The following DENND4A variants were observed in gnomAD, a reference collection of about 807,000 sequenced individuals.
The protein encoded by DENND4A is C-myc promoter-binding protein.
Under a neutral mutation model 199.3 loss-of-function variants are expected in DENND4A, and 70 were observed. The ratio of observed to expected loss-of-function variants is 0.35; its 90% CI spans 0.29 to 0.43. The LOEUF is 0.43. Among genes scored for constraint, DENND4A ranks in the 20% least tolerant of loss-of-function variants. DENND4A has a pLI of 1.00. For missense variants in DENND4A, 1,723 were observed against 2,255.8 expected (o/e 0.76, Z 4.78); for synonymous variants, 686 against 766.9 (o/e 0.89, Z 1.74).
At chr15:65,704,700 C>T (rs184519010) in intron 15 of DENND4A, among the ~76,000 whole-genome samples, 21 of 152,278 alleles carry the variant, frequency 1.4e-4, no homozygotes, top group Non-Finnish European at 2.5e-4. Context: ...AAGAAATTGT[C>T]CTGCCTCGGC....
intron 22 of DENND4A, among the ~76,000 whole-genome samples, chr15:65,694,214 CAA>C (rs2142101509): frequency 6.6e-6 from 1 of 152,110 alleles, no homozygotes; most frequent in East Asian, 1.9e-4. Flanking sequence ...TTTGGAAGGC[CAA>C]GGCAGGTAGA....
chr15:65,757,720 C>T (rs1013445543), intron 2 of DENND4A, among the ~76,000 whole-genome samples: 47 of 152,226 alleles, frequency 3.1e-4, no homozygotes, highest in African/African-American at 1.1e-3. Context: ...CGGTGGCTCA[C>T]GCCTGTAATC....
At chr15:65,746,427 C>G (rs983837806) in intron 4 of DENND4A, among the ~76,000 whole-genome samples, 1 of 108,536 alleles carries the variant, frequency 9.2e-6, no homozygotes, top group African/African-American at 3.5e-5. Flanking sequence ...CGTTCTGTCA[C>G]GCAGACTGTA....
At chr15:65,773,002 CAA>C (rs61241995) in intron 1 of DENND4A, among the ~76,000 whole-genome samples, 60 of 102,144 alleles carry the variant, frequency 5.9e-4, no homozygotes, top group African/African-American at 1.9e-3. Context: ...TGTTTCTAAG[CAA>C]AAAAAAAAAA....
Position 65,722,654 on chromosome 15 carries a change from C to T in DENND4A, c.1588+194G>A, listed in dbSNP as rs1006627198. 7.4e-5 allele frequency among the ~76,000 whole-genome samples: 10 copies of T among 134,234 alleles called. No individual in the cohort carries two copies. The East Asian group carries it at 1.3e-3, about 18-fold the overall frequency. The allele number at this position is 134,234 out of a possible 152,430, so 88.1% of individuals were successfully genotyped here. A position where few individuals can be genotyped will look rare whatever the true frequency, so the allele number is the denominator to read the frequency against. On this transcript the variant is annotated intron_variant, in intron 12 of 32. Transcript: ENST00000443035. ...CTGGCAACAGAGCGAGACTCCGTCT[C>T]GAAAAAAAAAAAAATACACATTTTA...
At chr15:65,733,274 T>A (rs2076014508) in intron 7 of DENND4A, among the ~76,000 whole-genome samples, 1 of 152,140 alleles carries the variant, frequency 6.6e-6, no homozygotes, top group Non-Finnish European at 1.5e-5. Flanking sequence ...ACGTTAAAAA[T>A]TATATTACTG....
chr15:65,719,469 C>T (rs1413288273), intron 12 of DENND4A: 1 of 151,976 alleles, frequency 6.6e-6, no homozygotes, highest in East Asian at 1.9e-4. Flanking sequence ...CTAGTAGACA[C>T]CACCTTAATC....
intron 23 of DENND4A, among the ~76,000 whole-genome samples, chr15:65,677,132 C>G (rs944126946): frequency 3.3e-5 from 5 of 152,130 alleles, no homozygotes; most frequent in Admixed American, 6.5e-5. Flanking sequence ...TGTAATTCCA[C>G]CTTGGAACCC....
intron 29 of DENND4A, 54 bp downstream of exon 29, chr15:65,667,395 A>G (rs1467291591): frequency 5.8e-6 from 9 of 1,554,698 alleles, no homozygotes; most frequent in Admixed American, 5.6e-5. Context: ...GGAATATGCA[A>G]ACATTACAAT....
intron 4 of DENND4A, among the ~76,000 whole-genome samples, chr15:65,747,680 G>A (rs749750192): frequency 8.5e-5 from 13 of 152,132 alleles, no homozygotes; most frequent in East Asian, 3.9e-4. Flanking sequence ...CCAGTTTTTC[G>A]TCTTTTTGCT....
At chr15:65,703,158 C>A in intron 15 of DENND4A, 150 bp from the exon 16 acceptor site, 1 of 638,872 alleles carries the variant, frequency 1.6e-6, no homozygotes, top group Non-Finnish European at 2.5e-6. Flanking sequence ...ATACACTCAA[C>A]AAATATTCAT....
At chr15:65,718,127 C>A (rs116178260) in intron 12 of DENND4A, 131 bp from the exon 13 acceptor site, 1 of 670,486 alleles carries the variant, frequency 1.5e-6, no homozygotes, top group Non-Finnish European at 2.4e-6. Flanking sequence ...CTTAATCATA[C>A]GTAAACCTTA....
In DENND4A at chr15:65,685,649, T is replaced by C. The variant is rs532626413; in HGVS notation, c.4179+4766A>G. On this transcript the variant is annotated intron_variant, in intron 23 of 32. Transcript: ENST00000443035. ...AATGCTATGTAAATAGTTCTTATACTGTATTATTTGTATTTATGTAATATT... is the reference window on the plus strand; with the variant it reads ...AATGCTATGTAAATAGTTCTTATACCGTATTATTTGTATTTATGTAATATT... 7.9e-5 allele frequency among the ~76,000 whole-genome samples: 12 copies of C among 152,150 alleles called. No homozygotes were observed. In the East Asian group the frequency reaches 2.3e-3, roughly 29 times the overall value.
chr15:65,750,307 GAAC>G (rs1250644187), intron 4 of DENND4A, among the ~76,000 whole-genome samples: 2 of 152,072 alleles, frequency 1.3e-5, no homozygotes, highest in African/African-American at 4.8e-5. Flanking sequence ...ATAAAGATAG[GAAC>G]AAAAGACGCT....
chr15:65,724,714 T>A (rs1319490816), intron 11 of DENND4A, among the ~76,000 whole-genome samples: 3 of 152,214 alleles, frequency 2.0e-5, no homozygotes, highest in Non-Finnish European at 4.4e-5. Flanking sequence ...AAACTGCAGA[T>A]GTCCTGCTGT....
chr15:65,699,014 A>C (rs1370755352), intron 20 of DENND4A, among the ~76,000 whole-genome samples: 1 of 152,170 alleles, frequency 6.6e-6, no homozygotes, highest in East Asian at 1.9e-4. Context: ...CTAGAATTAC[A>C]GGTGTGAGCC....
At chr15:65,730,066 C>T (rs528750316) in intron 9 of DENND4A, among the ~76,000 whole-genome samples, 5 of 152,204 alleles carry the variant, frequency 3.3e-5, no homozygotes, top group African/African-American at 1.2e-4. Flanking sequence ...TTGAACATGG[C>T]CTATCTTCCA....
chr15:65,724,381 GTTT>G (rs35006844), intron 11 of DENND4A, among the ~76,000 whole-genome samples: 56 of 143,366 alleles, frequency 3.9e-4, no homozygotes, highest in Non-Finnish European at 5.1e-4. Context: ...TTTTTGAATC[GTTT>G]TTTTTTTTTT....
chr15:65,779,384 A>G (rs1378245233), intron 1 of DENND4A, among the ~76,000 whole-genome samples: 2 of 148,374 alleles, frequency 1.3e-5, no homozygotes, highest in East Asian at 4.1e-4. Context: ...TGAACCTGGG[A>G]GGCAGAGGTT....
Sources: allele counts gnomAD v4.1 joint callset (sites outside exome capture counted in the v4.1 genomes callset), GRCh38; gene constraint gnomAD v4.1.1; transcripts MANE v1.5; gene names NCBI Gene and HGNC (gene_info 2026-07-23, HGNC 2026-07-21).